Variants in MGST1 observed in about 807,000 individuals in gnomAD.
MGST1 encodes glutathione S-transferase 12.
Under a neutral mutation model 8.9 loss-of-function variants are expected in MGST1, and 5 were observed. That is an observed-to-expected ratio of 0.56 (90% CI 0.29 to 1.19). The LOEUF (loss-of-function observed/expected upper bound fraction) is 1.19, where lower values mean the gene tolerates loss of function less well. Among genes scored for constraint, MGST1 ranks in the 50% most tolerant of loss-of-function variants. MGST1 has a pLI of 0.08. For missense variants in MGST1, 182 were observed against 187.4 expected (o/e 0.97, Z 0.17); for synonymous variants, 54 against 67.8 (o/e 0.80, Z 1.00).
chr12:16,572,339 C>CTTTTTTTTTT (rs59773866), intron 4 of MGST1, among the ~76,000 whole-genome samples: 19 of 89,532 alleles, frequency 2.1e-4, no homozygotes, highest in East Asian at 3.5e-4. Context: ...GGTCCAAACT[C>CTTTTTTTTTT]TTTTTTTTTT....
At chr12:16,552,847 A>G (rs1292382751) in intron 4 of MGST1, among the ~76,000 whole-genome samples, 3 of 152,194 alleles carry the variant, frequency 2.0e-5, no homozygotes, top group South Asian at 2.1e-4. Flanking sequence ...TTGCACTTCA[A>G]TAATGGTGTT....
At chr12:16,567,480 T>G (rs1942658296) in intron 4 of MGST1, 1 of 152,214 alleles carries the variant, frequency 6.6e-6, no homozygotes, top group Non-Finnish European at 1.5e-5. Flanking sequence ...GCTGGAGGAC[T>G]GGGGAAGACA....
At chr12:16,403,104 A>C (rs1043238586) in intron 1 of MGST1, among the ~76,000 whole-genome samples, 1 of 152,084 alleles carries the variant, frequency 6.6e-6, no homozygotes, top group Admixed American at 6.6e-5. Context: ...TCAACTTCGT[A>C]ATATGAATAC....
intron 4 of MGST1, among the ~76,000 whole-genome samples, chr12:16,540,086 A>T (rs561118029): frequency 3.3e-5 from 5 of 151,928 alleles, no homozygotes; most frequent in Non-Finnish European, 7.4e-5. Context: ...AAAGTTGAGC[A>T]CTCCTTCCTC....
chr12:16,392,216 A>G (rs769451284), intron 1 of MGST1, among the ~76,000 whole-genome samples: 4 of 152,032 alleles, frequency 2.6e-5, no homozygotes, highest in South Asian at 4.1e-4. Context: ...TTACTTGTCA[A>G]TCTTATCTCT....
rs146587844 is a variant in MGST1, at chr12:16,353,820, C to T, written c.-22-411C>T. Among the ~76,000 whole-genome samples the T allele has an allele frequency of 6.4e-3, 892 of 139,518 alleles. 14 individuals carry two copies. Among genetic ancestry groups the T allele is most frequent in the African/African-American group, 0.023 (852 of 36,610 alleles). 91.5% of individuals were successfully genotyped at this position (139,518 alleles called of 152,430 possible). On this transcript the variant is annotated intron_variant, in intron 1 of 3. Coordinates refer to ENST00000396210, the MANE Select transcript of MGST1 (RefSeq NM_020300.5). ...TGTCGCCCAGGCTACAGTGCAGTGG[C>T]GCAATCTTGGCTCATTGCAACCTCC...
chr12:16,494,504 T>A (rs1206680623), intron 4 of MGST1, among the ~76,000 whole-genome samples: 1 of 152,180 alleles, frequency 6.6e-6, no homozygotes, highest in Non-Finnish European at 1.5e-5. Flanking sequence ...CAGAAATATG[T>A]TAATCTATAA....
At chr12:16,366,261 A>G (rs1440103388), downstream of MGST1, among the ~76,000 whole-genome samples, 2 of 152,142 alleles carry the variant, frequency 1.3e-5, no homozygotes, top group Admixed American at 6.6e-5. This position sits in a 1 kb window ranked among gnomAD's most constrained non-coding sequence, Gnocchi z 4.0. Flanking sequence ...AAATTTAAGT[A>G]TAAGTTGTAA....
At position 16,500,430 on chromosome 12, in the gene MGST1, CTT is replaced by C. The variant is rs779608902; in HGVS notation, n.483-89095_483-89094del. On this transcript the variant is annotated intron_variant and non_coding_transcript_variant, in intron 4 of 4. Coordinates refer to the MGST1 transcript ENST00000538857. This position sits in a 1 kb window ranked among gnomAD's most constrained non-coding sequence, Gnocchi z 4.3. ...GGACACATTTCAAGCAGTTTCAACT[CTT>C]TTAATTAGAATTTATTTTTAGATAT... Among the ~76,000 whole-genome samples the C allele has an allele frequency of 1.3e-4, 20 of 152,282 alleles. No homozygotes were observed. Among genetic ancestry groups the C allele is most frequent in the Non-Finnish European group, 2.5e-4 (17 of 68,012 alleles).
chr12:16,572,865 C>T (rs1312904243), intron 4 of MGST1, among the ~76,000 whole-genome samples: 1 of 151,604 alleles, frequency 6.6e-6, no homozygotes, highest in Non-Finnish European at 1.5e-5. Flanking sequence ...GCCAAACCTG[C>T]TAAGGTATTT....
chr12:16,357,531 G>A (rs536701683), intron 2 of MGST1, 74 bp from the exon 3 acceptor site: 106 of 1,140,462 alleles, frequency 9.3e-5, no homozygotes, highest in Admixed American at 4.7e-4. Flanking sequence ...CTCACAAAGC[G>A]CTGGAATTAC....
chr12:16,560,994 T>G lies in MGST1; in HGVS notation n.483-28534T>G, dbSNP rs1386000991. Among the ~76,000 whole-genome samples, 1 of 152,154 alleles carries G rather than the reference T, an allele frequency of 6.6e-6. No individual in the cohort carries two copies. Among genetic ancestry groups the G allele is most frequent in the Non-Finnish European group, 1.5e-5 (1 of 68,012 alleles). On this transcript the variant is annotated intron_variant and non_coding_transcript_variant, in intron 4 of 4. Coordinates refer to the MGST1 transcript ENST00000538857. This position sits in a 1 kb window ranked among gnomAD's most constrained non-coding sequence, Gnocchi z 5.0. ...TTTGCCATTATTATTAAAAATACAT[T>G]TATGAAGAAGCCATTTAAATAGTCA...
intron 1 of MGST1, among the ~76,000 whole-genome samples, chr12:16,407,443 A>AACACTTAATAT (rs1471780114): frequency 1.3e-5 from 2 of 152,224 alleles, no homozygotes; most frequent in Non-Finnish European, 2.9e-5. Flanking sequence ...GAGAAAAAGG[A>AACACTTAATAT]ACACTTAATA....
At chr12:16,533,952 T>C (rs1473279819) in intron 4 of MGST1, among the ~76,000 whole-genome samples, 1 of 152,266 alleles carries the variant, frequency 6.6e-6, no homozygotes, top group South Asian at 2.1e-4. Context: ...GGAGGCATCA[T>C]AGAACATGGC....
At chr12:16,422,231 A>G (rs1296789515) in intron 1 of MGST1, among the ~76,000 whole-genome samples, 1 of 152,078 alleles carries the variant, frequency 6.6e-6, no homozygotes, top group East Asian at 1.9e-4. Context: ...CAGCCCATCT[A>G]TTCTCTATAG....
chr12:16,365,884 A>G (rs1013206535), downstream of MGST1, among the ~76,000 whole-genome samples: 2 of 152,240 alleles, frequency 1.3e-5, no homozygotes, highest in Non-Finnish European at 2.9e-5. Flanking sequence ...TGAAAAAAGT[A>G]TATTCTAAGC....
rs1409861135 is a variant in MGST1 at position 16,513,628 on chromosome 12, G to GC, written n.483-75899dup. 2.0e-6 allele frequency: 1 copy of GC among 494,652 alleles called. No homozygotes were observed. The highest frequency in any genetic ancestry group is 2.0e-5 in the African/African-American group (1 of 50,822). The allele number at this position is 494,652 out of a possible 1,614,324, so 30.6% of individuals were successfully genotyped here. On this transcript the variant is annotated intron_variant and non_coding_transcript_variant, in intron 4 of 4. Coordinates refer to the MGST1 transcript ENST00000538857. This position sits in a 1 kb window ranked among gnomAD's most constrained non-coding sequence, Gnocchi z 4.2. ...CGGAAAGCCTTACAGCATCCACAAG[G>GC]CAGAGGCCCAGATTGCAGCCAAAAA... is the stretch of plus-strand genomic sequence containing the variant.
intron 4 of MGST1, among the ~76,000 whole-genome samples, chr12:16,534,874 C>T (rs1350162733): frequency 1.3e-5 from 2 of 152,164 alleles, no homozygotes; most frequent in Non-Finnish European, 2.9e-5. Flanking sequence ...GTAAGCCAGG[C>T]TGCCATATCC....
chr12:16,588,357 T>C (rs1040568053), intron 4 of MGST1, among the ~76,000 whole-genome samples: 3 of 152,046 alleles, frequency 2.0e-5, no homozygotes, highest in African/African-American at 4.8e-5. Flanking sequence ...AAAAAGTTGG[T>C]ATTCAATTTC....
Sources: allele counts gnomAD v4.1 joint callset (sites outside exome capture counted in the v4.1 genomes callset), GRCh38; gene constraint gnomAD v4.1.1; non-coding constraint Gnocchi (gnomAD v3.1); transcripts MANE v1.5; gene names NCBI Gene and HGNC (gene_info 2026-07-23, HGNC 2026-07-21).